The following ANKRD44 variants were observed in gnomAD, a reference collection of about 807,000 sequenced individuals.
The protein encoded by ANKRD44 is serine/threonine-protein phosphatase 6 regulatory ankyrin repeat subunit B.
Under a neutral mutation model 116.0 loss-of-function variants are expected in ANKRD44, and 35 were observed. That is an observed-to-expected ratio of 0.30 (90% CI 0.23 to 0.40). The LOEUF is 0.40. ANKRD44 is among the 10% of genes least tolerant of loss of function. ANKRD44 has a pLI of 1.00. For synonymous variants in ANKRD44, 435 were observed against 461.8 expected (o/e 0.94, Z 0.74); for missense variants, 1,014 against 1,242.6 (o/e 0.82, Z 2.77).
At chr2:197,113,385 T>C (rs2078634800) in intron 8 of ANKRD44, among the ~76,000 whole-genome samples, 1 of 152,142 alleles carries the variant, frequency 6.6e-6, no homozygotes, top group Non-Finnish European at 1.5e-5. Context: ...AATTGTGGAG[T>C]TGGCATTAAC....
downstream of ANKRD44, among the ~76,000 whole-genome samples, chr2:196,985,273 G>A (rs73066831): frequency 5.7e-3 from 869 of 152,330 alleles, 14 homozygotes; most frequent in African/African-American, 0.02. Flanking sequence ...TGGAACAGAA[G>A]ACCCAGCTAA....
At chr2:197,231,251 C>T (rs2081854938) in intron 1 of ANKRD44, among the ~76,000 whole-genome samples, 4 of 151,902 alleles carry the variant, frequency 2.6e-5, no homozygotes, top group South Asian at 2.1e-4. Context: ...AGCAAGACCC[C>T]GTCTCTAAAA....
At chr2:197,051,287 T>C (rs150633555) in intron 16 of ANKRD44, among the ~76,000 whole-genome samples, 1 of 152,202 alleles carries the variant, frequency 6.6e-6, no homozygotes, top group Non-Finnish European at 1.5e-5. Context: ...TTTAAGGTGC[T>C]GATGACTCAC....
At chr2:196,992,027 T>A (rs1473999893) in intron 27 of ANKRD44, among the ~76,000 whole-genome samples, 1 of 152,234 alleles carries the variant, frequency 6.6e-6, no homozygotes, top group Non-Finnish European at 1.5e-5. Flanking sequence ...CCAATCCAGA[T>A]AAGAAAACTG....
At chr2:197,179,021 T>C (rs1400523027) in intron 2 of ANKRD44, among the ~76,000 whole-genome samples, 2 of 152,070 alleles carry the variant, frequency 1.3e-5, no homozygotes, top group Non-Finnish European at 2.9e-5. Flanking sequence ...CAGTGAGCTA[T>C]AACCACACCA....
In ANKRD44 at chr2:197,187,080, G is replaced by A. The variant is rs370987960; in HGVS notation, c.54C>T (p.Ser18=). ...DQPPLVQAIF[S]GDPEEIRMLI... is the part of the protein sequence containing the mutation. ...GCATCCGGATCTCCTCTGGATCACC[G>A]CTGAAGATTGCCTGAACCAATGGTG... The change falls in exon 2 of 28, where the codon AGC becomes AGT. Residue 18 remains serine, a synonymous_variant. Transcript: ENST00000282272. 25 of 1,613,900 alleles carry A rather than the reference G, an allele frequency of 1.5e-5. No homozygotes were observed. The highest frequency in any genetic ancestry group is 3.3e-4 in the Middle Eastern group (2 of 6,084).
At chr2:197,157,163 T>C (rs2079838533) in intron 2 of ANKRD44, among the ~76,000 whole-genome samples, 1 of 103,300 alleles carries the variant, frequency 9.7e-6, no homozygotes, top group African/African-American at 2.9e-5. Flanking sequence ...ACATTCTCAC[T>C]CTTACGTAAA....
chr2:197,042,411 A>T (rs4850748), intron 16 of ANKRD44, among the ~76,000 whole-genome samples: 11 of 151,932 alleles, frequency 7.2e-5, no homozygotes, highest in Non-Finnish European at 1.5e-4. Flanking sequence ...CAACATTGTT[A>T]GGAGAAAAGG....
intron 16 of ANKRD44, among the ~76,000 whole-genome samples, chr2:197,043,439 C>G (rs2076947561): frequency 6.6e-6 from 1 of 152,094 alleles, no homozygotes; most frequent in Non-Finnish European, 1.5e-5. Flanking sequence ...AACTCCTGCC[C>G]TAAAGTGATC....
intron 2 of ANKRD44, among the ~76,000 whole-genome samples, chr2:197,179,937 C>T (rs13425833): frequency 0.016 from 2,372 of 152,176 alleles, 75 homozygotes; most frequent in African/African-American, 0.053. Flanking sequence ...ACAAGGGGGG[C>T]GTGGATGAGA....
chr2:197,077,902 T>C (rs2077705955), intron 16 of ANKRD44: 1 of 152,308 alleles, frequency 6.6e-6, no homozygotes, highest in Non-Finnish European at 1.5e-5. Flanking sequence ...GGTAATTTCA[T>C]TTTCAGACAA....
intron 1 of ANKRD44, among the ~76,000 whole-genome samples, chr2:197,209,910 G>A (rs2081288812): frequency 6.6e-6 from 1 of 152,192 alleles, no homozygotes; most frequent in African/African-American, 2.4e-5. Context: ...GCGGCTAGAA[G>A]TTGAGGGCTG....
chr2:197,021,044 A>G (rs1270920975), intron 17 of ANKRD44, among the ~76,000 whole-genome samples: 2 of 151,996 alleles, frequency 1.3e-5, no homozygotes, highest in Non-Finnish European at 2.9e-5. Flanking sequence ...GAGAACATGC[A>G]GTGTTTGGTT....
At chr2:197,046,906 G>A (rs776947125) in intron 16 of ANKRD44, among the ~76,000 whole-genome samples, 2 of 151,994 alleles carry the variant, frequency 1.3e-5, no homozygotes, top group South Asian at 2.1e-4. Context: ...AGAAAGAAAC[G>A]AATAAAAAGT....
At chr2:197,082,512 T>A (rs1476880707) in intron 14 of ANKRD44, among the ~76,000 whole-genome samples, 1 of 152,140 alleles carries the variant, frequency 6.6e-6, no homozygotes, top group Non-Finnish European at 1.5e-5. Flanking sequence ...AAAGTAAATA[T>A]GATTTTATGA....
downstream of ANKRD44, among the ~76,000 whole-genome samples, chr2:196,981,734 G>A (rs13035678): frequency 0.6 from 90,665 of 151,848 alleles, 30,087 homozygotes; most frequent in East Asian, 0.82. Context: ...AGCTGAGATC[G>A]CACCATTGTA....
At chr2:197,241,014 A>G (rs2082079475) in intron 1 of ANKRD44, among the ~76,000 whole-genome samples, 1 of 151,900 alleles carries the variant, frequency 6.6e-6, no homozygotes, top group Admixed American at 6.6e-5. Context: ...GGTATGCAAA[A>G]TCTTGTAATG....
At chr2:197,241,817 G>A (rs2082096140) in intron 1 of ANKRD44, among the ~76,000 whole-genome samples, 1 of 152,006 alleles carries the variant, frequency 6.6e-6, no homozygotes, top group African/African-American at 2.4e-5. Flanking sequence ...ACATAGTGCT[G>A]GTGGCCTGAA....
chr2:197,228,388 C>G (rs1166195829), intron 1 of ANKRD44, among the ~76,000 whole-genome samples: 5 of 152,202 alleles, frequency 3.3e-5, no homozygotes, highest in Non-Finnish European at 7.3e-5. Context: ...ACGAGCTCTC[C>G]CTCCTGACAG....
Sources: gnomAD v4.1 joint callset for allele counts (sites outside exome capture counted in the v4.1 genomes callset) on GRCh38, gnomAD v4.1.1 for gene constraint, MANE v1.5 for transcripts, NCBI Gene and HGNC (gene_info 2026-07-23, HGNC 2026-07-21) for gene names.